The following DEFB124 variants were observed in gnomAD, a reference collection of about 807,000 sequenced individuals.
DEFB124 encodes the protein beta-defensin 124.
For missense variants in DEFB124, 78 were observed against 83.1 expected (o/e 0.94, Z 0.24); for synonymous variants, 38 against 36.5 (o/e 1.04, Z -0.15).
intron 2 of DEFB124, among the ~76,000 whole-genome samples, chr20:31,470,357 C>T (rs1384058264): frequency 1.5e-5 from 2 of 136,914 alleles, no homozygotes; most frequent in African/African-American, 5.4e-5. Context: ...ACCCCCCGGA[C>T]GGGGTGGCTG....
intron 2 of DEFB124, among the ~76,000 whole-genome samples, chr20:31,471,819 G>A (rs1203009487): frequency 6.7e-6 from 1 of 149,994 alleles, no homozygotes; most frequent in Non-Finnish European, 1.5e-5. Context: ...GCCGGGCAGA[G>A]ACGCTCCTCA....
Position 31,468,890 on chromosome 20 carries a change from T to C in DEFB124, c.59-3227A>G, listed in dbSNP as rs1318770320. Among the ~76,000 whole-genome samples, 9 of 152,052 alleles carry C rather than the reference T, an allele frequency of 5.9e-5. No homozygotes were observed. The South Asian group carries it at 1.7e-3, about 28-fold the overall frequency. On this transcript the variant is annotated intron_variant, in intron 2 of 2. Coordinates refer to ENST00000317676, the MANE Select transcript of DEFB124 (RefSeq NM_001037500.2). Reference sequence around the variant, plus strand: ...ATTTTGGGAGGCCAAAGCTGGAGGATTGCTTGAGGCCAAGAGTTTGAGACT... The same window carrying C: ...ATTTTGGGAGGCCAAAGCTGGAGGACTGCTTGAGGCCAAGAGTTTGAGACT...
intron 2 of DEFB124, among the ~76,000 whole-genome samples, chr20:31,471,546 C>T (rs1980308835): frequency 6.8e-6 from 1 of 148,096 alleles, no homozygotes; most frequent in Non-Finnish European, 1.5e-5. Context: ...GGAGGCTGAT[C>T]CCCCCACCTC....
At chr20:31,470,034 G>T (rs868215130) in intron 2 of DEFB124, among the ~76,000 whole-genome samples, 6,102 of 147,546 alleles carry the variant, frequency 0.041, 62 homozygotes, top group Middle Eastern at 0.1. Flanking sequence ...GCCGGGCAGA[G>T]GCGCCCCTCA....
rs1980425367 is a variant in DEFB124, at chr20:31,474,626, C to A, written c.-26+1G>T. Among the ~76,000 whole-genome samples, 1 of 152,164 alleles carries A rather than the reference C, an allele frequency of 6.6e-6. No homozygotes were observed. The highest frequency in any genetic ancestry group is 2.4e-5 in the African/African-American group (1 of 41,428). On this transcript the variant is annotated splice_donor_variant, in intron 1 of 2. Transcript: ENST00000317676. LOFTEE classifies it low-confidence loss of function (5UTR_SPLICE). ...GCAATCTCTTTCCTCCTCCTCCATA[C>A]CTGGGAGCATTTTTTTTTTCAGCCA...
chr20:31,473,029 G>T lies in DEFB124; in HGVS notation c.-16C>A. 1 of 1,613,730 alleles carries T rather than the reference G, an allele frequency of 6.2e-7. No individual in the cohort carries two copies. Among genetic ancestry groups the T allele is most frequent in the Non-Finnish European group, 8.5e-7 (1 of 1,179,908 alleles). ...GCTGTGTCATGGCCACGGGGCTCCTGGGGAGGCTGCTGGAGAGAGCACAAG... is the reference window on the plus strand; with the variant it reads ...GCTGTGTCATGGCCACGGGGCTCCTTGGGAGGCTGCTGGAGAGAGCACAAG... On this transcript the variant is annotated 5_prime_UTR_variant, in exon 2 of 3. Coordinates refer to ENST00000317676, the MANE Select transcript of DEFB124 (RefSeq NM_001037500.2).
At chr20:31,474,106 G>A (rs1461108472) in intron 1 of DEFB124, among the ~76,000 whole-genome samples, 3 of 152,242 alleles carry the variant, frequency 2.0e-5, no homozygotes, top group African/African-American at 7.2e-5. Context: ...GCCAAGTTCA[G>A]ACTTTTGTAT....
At chr20:31,473,972 G>A (rs953791004) in intron 1 of DEFB124, among the ~76,000 whole-genome samples, 3 of 152,104 alleles carry the variant, frequency 2.0e-5, no homozygotes, top group Admixed American at 6.5e-5. Context: ...AGATGAGTAG[G>A]GGAAAAGGTA....
chr20:31,469,765 G>A (rs1483342126), intron 2 of DEFB124, among the ~76,000 whole-genome samples: 2 of 149,740 alleles, frequency 1.3e-5, no homozygotes, highest in Admixed American at 6.6e-5. Flanking sequence ...AGGGTTGGGG[G>A]TAAGGTCACC....
intron 2 of DEFB124, among the ~76,000 whole-genome samples, chr20:31,469,938 CG>C (rs1348877534): frequency 2.0e-5 from 3 of 150,214 alleles, no homozygotes; most frequent in Non-Finnish European, 4.4e-5. Context: ...ATTGTCATCC[CG>C]GCCCGTTCTC....
At chr20:31,472,428 G>A (rs1040973623) in intron 2 of DEFB124, among the ~76,000 whole-genome samples, 2 of 142,600 alleles carry the variant, frequency 1.4e-5, no homozygotes, top group Non-Finnish European at 1.6e-5. Context: ...AGGGAGAGGG[G>A]AGAGGGGAGA....
intron 2 of DEFB124, among the ~76,000 whole-genome samples, chr20:31,470,821 C>T (rs1468406454): frequency 1.5e-5 from 2 of 134,484 alleles, no homozygotes; most frequent in Non-Finnish European, 3.2e-5. Context: ...GGCGGCTGGC[C>T]GGGCGGGGTG....
chr20:31,468,558 C>G (rs960488591), intron 2 of DEFB124, among the ~76,000 whole-genome samples: 1 of 151,894 alleles, frequency 6.6e-6, no homozygotes, highest in Non-Finnish European at 1.5e-5. Flanking sequence ...TCACTGCAAC[C>G]TCCGCCTCCC....
chr20:31,470,870 C>A, intron 2 of DEFB124, among the ~76,000 whole-genome samples: 1 of 126,112 alleles, frequency 7.9e-6, no homozygotes, highest in East Asian at 2.6e-4. Context: ...GGCGGCTGGC[C>A]GGGCGGGGGG....
intron 2 of DEFB124, among the ~76,000 whole-genome samples, chr20:31,472,408 G>A: frequency 6.7e-6 from 1 of 148,364 alleles, no homozygotes. Context: ...AGAGGGAGAG[G>A]GAGACCGAGA....
At position 31,472,956 on chromosome 20, in the gene DEFB124, C is replaced by T. The variant is rs753473153; in HGVS notation, c.58G>A (p.Gly20Arg). Residue 20 changes from glycine to arginine, a missense_variant and splice_region_variant, in exon 2 of 3, where the codon GGG (glycine) becomes AGG (arginine). Gly to Arg is a moderately radical substitution (Grantham distance 125, BLOSUM62 -2). Coordinates refer to ENST00000317676, the MANE Select transcript of DEFB124 (RefSeq NM_001037500.2). ...ACACACATGCACACGATGTTGTTAC[C>T]TGATGGCACATGACCCAGAACCAGG... ...ALLVLGHVPS[G>R]RSEFKRCWKG... 4 of 1,613,728 alleles carry T rather than the reference C, an allele frequency of 2.5e-6. No individual in the cohort carries two copies. Among genetic ancestry groups the T allele is most frequent in the Non-Finnish European group, 3.4e-6 (4 of 1,180,006 alleles).
At chr20:31,468,417 G>A (rs1980136417) in intron 2 of DEFB124, among the ~76,000 whole-genome samples, 1 of 152,156 alleles carries the variant, frequency 6.6e-6, no homozygotes, top group African/African-American at 2.4e-5. Flanking sequence ...AACAGGATTG[G>A]TTCAAATTGG....
intron 2 of DEFB124, among the ~76,000 whole-genome samples, chr20:31,470,329 C>T (rs1191839791): frequency 9.2e-5 from 12 of 130,544 alleles, no homozygotes; most frequent in South Asian, 7.6e-4. Flanking sequence ...TAGGGGCGGC[C>T]GGGCAGAGGC....
intron 1 of DEFB124, 90 bp from the exon 2 acceptor site, chr20:31,473,128 TGTGG>T: frequency 8.2e-7 from 1 of 1,217,694 alleles, no homozygotes; most frequent in Non-Finnish European, 1.2e-6. Context: ...AAGGCAGTGC[TGTGG>T]GCAGCAGGCC....
Sources: allele counts gnomAD v4.1 joint callset (sites outside exome capture counted in the v4.1 genomes callset), GRCh38; gene constraint gnomAD v4.1.1; transcripts MANE v1.5; gene names NCBI Gene and HGNC (gene_info 2026-07-23, HGNC 2026-07-21).